The following ZFAT variants were observed in gnomAD, a reference collection of about 807,000 sequenced individuals.
The protein encoded by ZFAT is zinc finger and AT-hook domain containing.
Under a neutral mutation model 117.7 loss-of-function variants are expected in ZFAT, and 64 were observed. That is an observed-to-expected ratio of 0.54 (90% CI 0.44 to 0.67). The LOEUF is 0.67. Ranked by LOEUF, ZFAT falls within the 30% of genes least tolerant of loss-of-function variation. The probability of loss-of-function intolerance (pLI) is 0.00; values close to 1 mark genes in which losing one functional copy is unlikely to be tolerated. For missense variants in ZFAT, 1,433 were observed against 1,584.5 expected, an observed-to-expected ratio of 0.90 and a Z score of 1.62; for synonymous variants, 679 against 615.0, an observed-to-expected ratio of 1.10 and a Z score of -1.54.
intron 2 of ZFAT, among the ~76,000 whole-genome samples, chr8:134,655,991 T>C (rs1831579594): frequency 2.6e-5 from 4 of 151,818 alleles, no homozygotes; most frequent in Admixed American, 2.0e-4. Flanking sequence ...AAGGCGGAGG[T>C]GACTAAACAC....
intron 7 of ZFAT, 130 bp from the exon 8 acceptor site, chr8:134,590,485 C>A (rs1018857341): frequency 4.7e-6 from 3 of 638,452 alleles, no homozygotes; most frequent in African/African-American, 3.6e-5. Context: ...ACAGTCATCA[C>A]CACCACCACC....
At chr8:134,587,979 C>T (rs1826189913) in intron 9 of ZFAT, among the ~76,000 whole-genome samples, 1 of 152,164 alleles carries the variant, frequency 6.6e-6, no homozygotes, top group African/African-American at 2.4e-5. Context: ...TACCTACTTT[C>T]CAGCAGAGGA....
chr8:134,565,183 T>TA lies in ZFAT; in HGVS notation c.2976+149dup, dbSNP rs1824345865. ...ACGAGAGAGCACAAATAAGCTGCAC[T>TA]ATGCCTCAGACTCCACGTGTACCAG... On this transcript the variant is annotated intron_variant, in intron 11 of 15. Coordinates refer to ENST00000377838, the MANE Select transcript of ZFAT (RefSeq NM_020863.4). The TA allele has an allele frequency of 4.6e-6, 7 of 1,535,868 alleles. No individual in the cohort carries two copies. In the South Asian group the frequency reaches 8.4e-5, roughly 18 times the overall value.
At chr8:134,597,838 C>T (rs1269511540) in intron 7 of ZFAT, 4 of 152,278 alleles carry the variant, frequency 2.6e-5, no homozygotes, top group South Asian at 4.1e-4. Context: ...TCTAAGAAAA[C>T]GTGAGAGCTA....
chr8:134,602,418 C>T lies in ZFAT; in HGVS notation c.1301G>A (p.Cys434Tyr). The T allele has an allele frequency of 6.2e-7, 1 of 1,613,988 alleles. No individual in the cohort carries two copies. Among genetic ancestry groups the T allele is most frequent in the Non-Finnish European group, 8.5e-7 (1 of 1,180,042 alleles). Reference protein sequence around the residue: ...LVHGDKWPFACELCGHGATKY... With the variant: ...LVHGDKWPFAYELCGHGATKY... ...GGTGGCCCCATGGCCACAGAGCTCA[C>T]AGGCAAAAGGCCACTTGTCTCCGTG... is the stretch of plus-strand genomic sequence containing the variant. The change falls in exon 6 of 16, where the codon TGT (cysteine) becomes TAT (tyrosine). Residue 434 changes from cysteine to tyrosine, a missense_variant. Coordinates refer to ENST00000377838, the MANE Select transcript of ZFAT (RefSeq NM_020863.4).
At chr8:134,827,632 G>A in the ZFAT span, among the ~76,000 whole-genome samples, 2 of 151,958 alleles carry the variant, frequency 1.3e-5, no homozygotes, top group African/African-American at 2.4e-5. Context: ...GACAGGCGTG[G>A]TGGTGGGTGC....
the ZFAT span, among the ~76,000 whole-genome samples, chr8:134,768,993 T>G: frequency 6.6e-6 from 1 of 152,122 alleles, no homozygotes; most frequent in Non-Finnish European, 1.5e-5. Flanking sequence ...GCTGACATGA[T>G]GAAACCCCAT....
chr8:134,519,447 T>C (rs1236817943), intron 13 of ZFAT, among the ~76,000 whole-genome samples: 1 of 152,246 alleles, frequency 6.6e-6, no homozygotes, highest in African/African-American at 2.4e-5. Context: ...TATGTGTGCA[T>C]ATATTAGCAT....
At chr8:134,625,498 G>A (rs1161762616) in intron 3 of ZFAT, among the ~76,000 whole-genome samples, 1 of 152,190 alleles carries the variant, frequency 6.6e-6, no homozygotes, top group African/African-American at 2.4e-5. Context: ...CCAGCAAGTG[G>A]TCCTGCCCTG....
chr8:134,813,110 CACTT>C, the ZFAT span, among the ~76,000 whole-genome samples: 3 of 152,216 alleles, frequency 2.0e-5, no homozygotes, highest in Non-Finnish European at 4.4e-5. Context: ...TAAAATCACT[CACTT>C]TGGATAGCTT....
At chr8:134,831,025 G>A in the ZFAT span, among the ~76,000 whole-genome samples, 116 of 152,284 alleles carry the variant, frequency 7.6e-4, no homozygotes, top group African/African-American at 2.7e-3. Context: ...GCTCCAAACT[G>A]GTGGGTGGCA....
chr8:134,808,359 G>A, the ZFAT span, among the ~76,000 whole-genome samples: 8 of 152,340 alleles, frequency 5.3e-5, no homozygotes, highest in South Asian at 1.7e-3. Context: ...CTACCAGCTA[G>A]CTGTGGATTA....
chr8:134,570,922 G>A (rs1375511624), intron 10 of ZFAT, among the ~76,000 whole-genome samples: 1 of 152,212 alleles, frequency 6.6e-6, no homozygotes, highest in African/African-American at 2.4e-5. Flanking sequence ...CCAATCTGCT[G>A]GGGGTGAGAG....
chr8:134,524,946 A>G (rs185657439), intron 12 of ZFAT, among the ~76,000 whole-genome samples: 41 of 152,336 alleles, frequency 2.7e-4, no homozygotes, highest in Non-Finnish European at 4.9e-4. Flanking sequence ...TCTTCACAAC[A>G]GCGCAATGAC....
At chr8:134,599,741 T>C in intron 7 of ZFAT, 1 of 455,932 alleles carries the variant, frequency 2.2e-6, no homozygotes. Flanking sequence ...TGGGGCCAGA[T>C]GTGCTTCCTT....
At chr8:134,820,467 A>G in the ZFAT span, among the ~76,000 whole-genome samples, 1 of 152,244 alleles carries the variant, frequency 6.6e-6, no homozygotes. Context: ...CGCTTGAACT[A>G]TATTCTGCTA....
the ZFAT span, among the ~76,000 whole-genome samples, chr8:134,752,689 G>T: frequency 6.6e-6 from 1 of 152,172 alleles, no homozygotes; most frequent in Admixed American, 6.5e-5. Context: ...GGTACTGGCA[G>T]GTTTGATGTC....
chr8:134,609,033 T>A (rs996804441), intron 4 of ZFAT, among the ~76,000 whole-genome samples, 154 bp from the exon 5 acceptor site: 1 of 152,134 alleles, frequency 6.6e-6, no homozygotes, highest in Non-Finnish European at 1.5e-5. Context: ...TTTACATTTT[T>A]TGGGTGAGTG....
chr8:134,487,069 G>A (rs1817709371), intron 15 of ZFAT, among the ~76,000 whole-genome samples: 1 of 152,180 alleles, frequency 6.6e-6, no homozygotes. Context: ...CTTATGTGGA[G>A]GTTTATGGGT....
Sources: allele counts gnomAD v4.1 joint callset (sites outside exome capture counted in the v4.1 genomes callset), GRCh38; gene constraint gnomAD v4.1.1; transcripts MANE v1.5; gene names NCBI Gene and HGNC (gene_info 2026-07-23, HGNC 2026-07-21).